Variants in TBL1XR1 observed in about 807,000 individuals in gnomAD.
TBL1XR1 encodes F-box-like/WD repeat-containing protein TBL1XR1.
In TBL1XR1, 5 loss-of-function variants were observed where a neutral mutation model predicts 66.9. The ratio of observed to expected loss-of-function variants is 0.07; its 90% confidence interval spans 0.04 to 0.16. The LOEUF (loss-of-function observed/expected upper bound fraction) is 0.16, where lower values mean the gene tolerates loss of function less well. TBL1XR1 is among the 10% of genes least tolerant of loss of function. The pLI is 1.00. For missense variants in TBL1XR1, 238 were observed against 623.2 expected, an observed-to-expected ratio of 0.38 and a Z score of 6.58; for synonymous variants, 210 against 206.0, an observed-to-expected ratio of 1.02 and a Z score of -0.17.
chr3:177,027,280 T>G (rs770111414), intron 14 of TBL1XR1: 2 of 152,264 alleles, frequency 1.3e-5, no homozygotes, highest in Non-Finnish European at 2.9e-5. Flanking sequence ...ATTATAAGCA[T>G]GCACCACAGT....
intron 1 of TBL1XR1, among the ~76,000 whole-genome samples, chr3:177,149,135 C>T (rs1730591699): frequency 6.6e-6 from 1 of 152,206 alleles, no homozygotes; most frequent in South Asian, 2.1e-4. Context: ...TTGATGATGG[C>T]AACAGCCAAT....
At chr3:177,034,671 G>A (rs1468876879) in intron 12 of TBL1XR1, among the ~76,000 whole-genome samples, 1 of 151,986 alleles carries the variant, frequency 6.6e-6, no homozygotes, top group Non-Finnish European at 1.5e-5. Flanking sequence ...ATAATAAACT[G>A]CTCTTAGAAT....
At chr3:177,041,548 C>T (rs899409303) in intron 10 of TBL1XR1, among the ~76,000 whole-genome samples, 13 of 152,126 alleles carry the variant, frequency 8.5e-5, no homozygotes, top group African/African-American at 2.9e-4. Flanking sequence ...TTGGAGAAAC[C>T]CAACCTAAAT....
intron 1 of TBL1XR1, among the ~76,000 whole-genome samples, chr3:177,112,794 G>C (rs1053525941): frequency 1.3e-5 from 2 of 152,142 alleles, no homozygotes; most frequent in East Asian, 1.9e-4. Context: ...CACGAAGTCA[G>C]GAGTTCGAAA....
intron 2 of TBL1XR1, among the ~76,000 whole-genome samples, chr3:177,067,226 A>G (rs1241636674): frequency 6.6e-6 from 1 of 152,256 alleles, no homozygotes; most frequent in Non-Finnish European, 1.5e-5. Flanking sequence ...ATTAAATCAT[A>G]ATTTGATCAA....
chr3:177,069,570 C>CA (rs1222404026), intron 2 of TBL1XR1, among the ~76,000 whole-genome samples: 156 of 149,856 alleles, frequency 1.0e-3, no homozygotes, highest in African/African-American at 2.5e-3. Flanking sequence ...CCCATCTCTA[C>CA]AAAAAAAAAT....
intron 1 of TBL1XR1, among the ~76,000 whole-genome samples, chr3:177,106,297 A>G (rs924162705): frequency 9.2e-5 from 14 of 152,186 alleles, no homozygotes; most frequent in African/African-American, 3.4e-4. Context: ...CAAATCAATG[A>G]CAATGTTCAA....
At chr3:177,026,107 T>TA (rs1713086767) in intron 15 of TBL1XR1, 10 of 462,044 alleles carry the variant, frequency 2.2e-5, no homozygotes, top group Non-Finnish European at 3.8e-5. Flanking sequence ...GTTCCTCTGG[T>TA]ATACCTAATT....
At chr3:177,138,013 G>A (rs1013765666) in intron 1 of TBL1XR1, among the ~76,000 whole-genome samples, 1 of 152,174 alleles carries the variant, frequency 6.6e-6, no homozygotes, top group African/African-American at 2.4e-5. Context: ...GCGAGTAGAT[G>A]TCACTGGATG....
At chr3:177,124,539 TAAAC>T (rs1199210234) in intron 1 of TBL1XR1, among the ~76,000 whole-genome samples, 6 of 152,042 alleles carry the variant, frequency 3.9e-5, no homozygotes, top group African/African-American at 1.2e-4. Context: ...TAGGGCTAAA[TAAAC>T]AAACTCCTCA....
intron 10 of TBL1XR1, among the ~76,000 whole-genome samples, chr3:177,041,845 TAAG>T (rs935765063): frequency 6.6e-6 from 1 of 152,126 alleles, no homozygotes; most frequent in Non-Finnish European, 1.5e-5. Context: ...TTAGGAGTAG[TAAG>T]AAGACAAGCA....
intron 6 of TBL1XR1, 110 bp from the exon 7 acceptor site, chr3:177,050,248 G>C: frequency 1.4e-6 from 2 of 1,391,568 alleles, no homozygotes; most frequent in Non-Finnish European, 9.7e-7. Flanking sequence ...CGACTATCAC[G>C]AATTTTCATT....
chr3:177,115,372 A>T (rs2108739936), intron 1 of TBL1XR1, among the ~76,000 whole-genome samples: 1 of 152,304 alleles, frequency 6.6e-6, no homozygotes, highest in Admixed American at 6.5e-5. Context: ...AAATTTTAAA[A>T]TACATCATTT....
intron 1 of TBL1XR1, among the ~76,000 whole-genome samples, chr3:177,124,940 T>A (rs1560202828): frequency 6.6e-6 from 1 of 152,080 alleles, no homozygotes; most frequent in Non-Finnish European, 1.5e-5. Context: ...AACTGGGTTA[T>A]AGAACTAAGA....
chr3:177,186,186 T>C (rs1331807578), intron 1 of TBL1XR1, among the ~76,000 whole-genome samples: 4 of 152,110 alleles, frequency 2.6e-5, no homozygotes, highest in Admixed American at 2.0e-4. Flanking sequence ...CAGTCTGCAC[T>C]CCTAACCCCA....
chr3:177,096,190 A>G (rs1723455016), intron 2 of TBL1XR1, among the ~76,000 whole-genome samples: 1 of 152,160 alleles, frequency 6.6e-6, no homozygotes, highest in Non-Finnish European at 1.5e-5. Context: ...TGGGAAAACC[A>G]TACCATTTTG....
intron 1 of TBL1XR1, among the ~76,000 whole-genome samples, chr3:177,134,249 G>C (rs982929764): frequency 2.6e-5 from 4 of 152,132 alleles, no homozygotes; most frequent in African/African-American, 9.7e-5. Context: ...TAACTAGACT[G>C]ATTCTGTTGC....
At chr3:177,140,013 C>T (rs576642782) in intron 1 of TBL1XR1, among the ~76,000 whole-genome samples, 51 of 152,108 alleles carry the variant, frequency 3.4e-4, no homozygotes, top group African/African-American at 1.2e-3. Context: ...AGAAAAATAC[C>T]TTGAAACAGC....
chr3:177,172,677 G>C (rs182249675), intron 1 of TBL1XR1, among the ~76,000 whole-genome samples: 2,791 of 127,250 alleles, frequency 0.022, 149 homozygotes, highest in African/African-American at 0.078. Context: ...GGAGGGGAGG[G>C]GAGGGGAGAG....
Sources: gnomAD v4.1 joint callset for allele counts (sites outside exome capture counted in the v4.1 genomes callset) on GRCh38, gnomAD v4.1.1 for gene constraint, MANE v1.5 for transcripts, NCBI Gene and HGNC (gene_info 2026-07-23, HGNC 2026-07-21) for gene names.